RSU1: variants seen among roughly 807,000 people sequenced by gnomAD.
RSU1 encodes Ras suppressor protein 1.
A neutral mutation model predicts 31.1 loss-of-function variants in RSU1; 26 were observed. The observed-to-expected ratio is 0.84, with a 90% CI of 0.61 to 1.16. RSU1 has a LOEUF of 1.16. Among genes scored for constraint, RSU1 ranks in the 50% most tolerant of loss-of-function variants. RSU1 has a pLI of 0.00. For synonymous variants in RSU1, 164 were observed against 136.3 expected (o/e 1.20, Z -1.41); for missense variants, 320 against 339.1 (o/e 0.94, Z 0.44).
At chr10:16,801,848 T>C (rs1300642832) in intron 2 of RSU1, among the ~76,000 whole-genome samples, 3 of 152,024 alleles carry the variant, frequency 2.0e-5, no homozygotes, top group African/African-American at 7.2e-5. Flanking sequence ...AAAATACTAC[T>C]TATCAGAATT....
At chr10:16,785,339 T>C (rs901146488) in intron 2 of RSU1, among the ~76,000 whole-genome samples, 3 of 151,608 alleles carry the variant, frequency 2.0e-5, no homozygotes, top group East Asian at 1.9e-4. Flanking sequence ...AGATGGCCTA[T>C]TGCAGGACCT....
chr10:16,651,134 C>T (rs991155725), intron 8 of RSU1, among the ~76,000 whole-genome samples: 20 of 152,160 alleles, frequency 1.3e-4, no homozygotes, highest in South Asian at 8.3e-4. Context: ...TATGCATCAA[C>T]GTTTTTACTA....
intron 8 of RSU1, among the ~76,000 whole-genome samples, chr10:16,653,982 G>A (rs1276547862): frequency 6.6e-6 from 1 of 152,002 alleles, no homozygotes; most frequent in Non-Finnish European, 1.5e-5. Context: ...AGTGCCTACA[G>A]TAAGAGGGTA....
rs1554767088 is a variant in RSU1, at chr10:16,695,160, G to GGGA, written c.599-6_599-5insTCC. The GGGA allele has an allele frequency of 8.8e-6, 13 of 1,476,272 alleles. No individual in the cohort carries two copies. Among genetic ancestry groups the GGGA allele is most frequent in the African/African-American group, 1.7e-5 (1 of 60,272 alleles). The allele number at this position is 1,476,272 out of a possible 1,614,324, so 91.4% of individuals were successfully genotyped here. On this transcript the variant is annotated splice_polypyrimidine_tract_variant and splice_region_variant and intron_variant, in intron 7 of 8. Coordinates refer to ENST00000345264, the MANE Select transcript of RSU1 (RefSeq NM_012425.4). ...GGCCAGTTAAATCCAAGTTTCCTGG[G>GGGA]GGGGGGGAAAAAAAAAGTGAAGGTC...
At chr10:16,600,565 T>C (rs1426737864) in intron 8 of RSU1, among the ~76,000 whole-genome samples, 1 of 143,668 alleles carries the variant, frequency 7.0e-6, no homozygotes, top group Non-Finnish European at 1.5e-5. Flanking sequence ...TTTTTTTTTT[T>C]TTAGGGGGGG....
At chr10:16,703,992 C>T (rs1835845626) in intron 7 of RSU1, among the ~76,000 whole-genome samples, 2 of 151,620 alleles carry the variant, frequency 1.3e-5, no homozygotes, top group African/African-American at 4.8e-5. Flanking sequence ...TGGGTGAAGC[C>T]CTAGTGTTTG....
intron 2 of RSU1, among the ~76,000 whole-genome samples, chr10:16,802,106 G>A (rs56767050): frequency 2.0e-5 from 3 of 151,180 alleles, no homozygotes; most frequent in Non-Finnish European, 3.0e-5. Context: ...ATACTTAAAA[G>A]GGGAAATAAT....
At chr10:16,764,558 G>C in intron 3 of RSU1, 48 bp from the exon 4 acceptor site, 1 of 1,578,592 alleles carries the variant, frequency 6.3e-7, no homozygotes, top group South Asian at 1.2e-5. Flanking sequence ...GGAACTCCTA[G>C]CAAGGGATGG....
At chr10:16,814,999 A>G (rs1838496831) in intron 2 of RSU1, among the ~76,000 whole-genome samples, 1 of 152,274 alleles carries the variant, frequency 6.6e-6, no homozygotes, top group East Asian at 1.9e-4. Flanking sequence ...CTACCTGGTG[A>G]GAATGAGTGC....
Position 16,742,025 on chromosome 10 carries a change from T to C in RSU1, c.598+10514A>G, listed in dbSNP as rs144422705. ...TGGGGTTGGAAGTCAGATTCTGGTA[T>C]GGTTAAGATGGATTCAATAGGGGCT... On this transcript the variant is annotated intron_variant, in intron 7 of 8. Transcript: ENST00000345264. 5.3e-5 allele frequency among the ~76,000 whole-genome samples: 8 copies of C among 152,180 alleles called. No individual in the cohort carries two copies. The East Asian group carries it at 5.8e-4, about 11-fold the overall frequency.
chr10:16,792,678 A>G (rs972512089), intron 2 of RSU1, among the ~76,000 whole-genome samples: 2 of 152,232 alleles, frequency 1.3e-5, no homozygotes, highest in African/African-American at 4.8e-5. Context: ...TGCACTGTAG[A>G]CAGAACCCTC....
intron 7 of RSU1, among the ~76,000 whole-genome samples, chr10:16,706,546 G>A (rs761102711): frequency 3.9e-5 from 6 of 152,054 alleles, no homozygotes; most frequent in African/African-American, 9.6e-5. Flanking sequence ...CTCTCATTCC[G>A]TGGGTGGTCT....
intron 4 of RSU1, among the ~76,000 whole-genome samples, chr10:16,758,449 T>A (rs1317585083): frequency 6.6e-6 from 1 of 152,162 alleles, no homozygotes; most frequent in Non-Finnish European, 1.5e-5. Context: ...GCAATCAAGG[T>A]TTCCATGAGA....
intron 4 of RSU1, among the ~76,000 whole-genome samples, chr10:16,763,607 G>A (rs1302378499): frequency 6.6e-6 from 1 of 152,062 alleles, no homozygotes; most frequent in Non-Finnish European, 1.5e-5. Context: ...GATTTGCTGG[G>A]GACACAGACC....
intron 8 of RSU1, among the ~76,000 whole-genome samples, chr10:16,634,787 C>T (rs775133464): frequency 1.6e-4 from 24 of 152,170 alleles, no homozygotes; most frequent in Non-Finnish European, 2.8e-4. Context: ...CATGGATGTT[C>T]GGTGATGTTC....
At chr10:16,650,904 C>CA (rs1834674630) in intron 8 of RSU1, among the ~76,000 whole-genome samples, 2 of 151,926 alleles carry the variant, frequency 1.3e-5, no homozygotes, top group Admixed American at 1.3e-4. Context: ...TGTTTTTATC[C>CA]AAAAAGAGAA....
intron 2 of RSU1, among the ~76,000 whole-genome samples, chr10:16,789,149 T>C (rs1198837388): frequency 1.3e-5 from 2 of 152,272 alleles, no homozygotes; most frequent in African/African-American, 4.8e-5. Context: ...AGTCATTTCA[T>C]TGTGTCCTTT....
chr10:16,767,171 C>CTTCATCTGATTAGTTTGAAGAGCACA (rs1435289497), intron 3 of RSU1: 1 of 152,194 alleles, frequency 6.6e-6, no homozygotes, highest in African/African-American at 2.4e-5. Flanking sequence ...ACCACTAAGC[C>CTTCATCTGATTAGTTTGAAGAGCACA]TTCATCTGAT....
intron 7 of RSU1, among the ~76,000 whole-genome samples, chr10:16,723,618 G>C (rs116292625): frequency 0.037 from 5,610 of 152,228 alleles, 359 homozygotes; most frequent in African/African-American, 0.13. Context: ...GCATACTATA[G>C]TTTACCCCCT....
Sources: gnomAD v4.1 joint callset for allele counts (sites outside exome capture counted in the v4.1 genomes callset) on GRCh38, gnomAD v4.1.1 for gene constraint, MANE v1.5 for transcripts, NCBI Gene and HGNC (gene_info 2026-07-23, HGNC 2026-07-21) for gene names.